The following TCF20 variants were observed in gnomAD, a reference collection of about 807,000 sequenced individuals.
TCF20 encodes transcription factor 20, also known as SPRE-binding protein.
Under a neutral mutation model 148.6 loss-of-function variants are expected in TCF20, and 3 were observed. The observed-to-expected ratio is 0.02, with a 90% CI of 0.01 to 0.05. The LOEUF is 0.05. Among genes scored for constraint, TCF20 ranks in the 10% least tolerant of loss-of-function variants. TCF20 has a pLI of 1.00. For synonymous variants in TCF20, 1,049 were observed against 909.5 expected (o/e 1.15, Z -2.76); for missense variants, 2,350 against 2,429.3 (o/e 0.97, Z 0.69).
chr22:42,249,753 T>C (rs1437687466), intron 1 of TCF20, among the ~76,000 whole-genome samples: 4 of 152,222 alleles, frequency 2.6e-5, no homozygotes, highest in Non-Finnish European at 5.9e-5. Context: ...AATTATTCAA[T>C]GGTGTATTAT....
rs760138943 is a variant in TCF20, at chr22:42,213,477, C to T, written c.1829G>A (p.Arg610Gln). 10 of 1,614,012 alleles carry T rather than the reference C, an allele frequency of 6.2e-6. No homozygotes were observed. Among genetic ancestry groups the T allele is most frequent in the African/African-American group, 2.7e-5 (2 of 74,890 alleles). Residue 610 changes from arginine (R) to glutamine (Q), a missense_variant, in exon 2 of 6, where the codon CGG (arginine) becomes CAG (glutamine). Around this residue, in one of 7 missense-constraint regions of TCF20, gnomAD observed 1,641 missense variants for 1,662.6 expected, o/e 0.99. Transcript: ENST00000677622. ...TTCTACCCGACCTGTCATGGCTTCC[C>T]GGGAGACAATCACCCCAACAGTCTT... Reference protein sequence around the residue: ...NEKTVGVIVSREAMTGRVEKP... With the variant: ...NEKTVGVIVSQEAMTGRVEKP...
chr22:42,219,229 G>A (rs544693528), intron 1 of TCF20, among the ~76,000 whole-genome samples: 1 of 151,168 alleles, frequency 6.6e-6, no homozygotes, highest in Admixed American at 6.6e-5. Context: ...GTGTCATGAG[G>A]TGTGCCTACA....
intron 1 of TCF20, among the ~76,000 whole-genome samples, chr22:42,245,692 A>G (rs2147328944): frequency 6.6e-6 from 1 of 152,308 alleles, no homozygotes; most frequent in South Asian, 2.1e-4. Flanking sequence ...AATTTTGCTA[A>G]GATCACTAGC....
chr22:42,311,847 T>A (rs1927542871), intron 1 of TCF20, among the ~76,000 whole-genome samples: 1 of 152,168 alleles, frequency 6.6e-6, no homozygotes, highest in African/African-American at 2.4e-5. Flanking sequence ...CCCTGCATAG[T>A]CAAGACAGCC....
intron 1 of TCF20, among the ~76,000 whole-genome samples, chr22:42,324,069 T>G (rs1339796331): frequency 3.0e-4 from 10 of 32,986 alleles, no homozygotes; most frequent in East Asian, 9.4e-4. Context: ...TGATGGAGGT[T>G]ATGGTGGTGG....
intron 1 of TCF20, among the ~76,000 whole-genome samples, chr22:42,237,298 A>G (rs558459036): frequency 3.4e-4 from 52 of 152,308 alleles, no homozygotes; most frequent in Admixed American, 4.6e-4. Flanking sequence ...TCAATAAATC[A>G]CTTTCTTTGC....
intron 2 of TCF20, among the ~76,000 whole-genome samples, chr22:42,200,577 G>A (rs1235997286): frequency 6.7e-6 from 1 of 149,746 alleles, no homozygotes; most frequent in African/African-American, 2.4e-5. Flanking sequence ...GGGGGGTGGA[G>A]GTTGCAGTGA....
chr22:42,261,980 G>C (rs1926052713), intron 1 of TCF20, among the ~76,000 whole-genome samples: 1 of 152,262 alleles, frequency 6.6e-6, no homozygotes, highest in Non-Finnish European at 1.5e-5. Context: ...GACAGAGCAA[G>C]ACTCCATCTC....
chr22:42,193,746 TTA>T (rs1208978988), intron 2 of TCF20, among the ~76,000 whole-genome samples: 3 of 152,136 alleles, frequency 2.0e-5, no homozygotes. Context: ...CTAAGTGATG[TTA>T]TAGTTTCCCA....
intron 1 of TCF20, among the ~76,000 whole-genome samples, chr22:42,260,643 C>T (rs150565191): frequency 1.3e-5 from 2 of 152,190 alleles, no homozygotes; most frequent in Non-Finnish European, 2.9e-5. Context: ...CATCACCATG[C>T]CTGGTTAATT....
intron 1 of TCF20, among the ~76,000 whole-genome samples, chr22:42,240,958 C>T (rs939979612): frequency 1.9e-4 from 29 of 152,038 alleles, no homozygotes; most frequent in African/African-American, 5.8e-4. Context: ...CGGGTTCATA[C>T]GACTCTCCTG....
At chr22:42,235,440 G>A (rs1490609882) in intron 1 of TCF20, among the ~76,000 whole-genome samples, 1 of 152,124 alleles carries the variant, frequency 6.6e-6, no homozygotes, top group East Asian at 1.9e-4. Context: ...GTGACAGAAA[G>A]AACATTGAGT....
At chr22:42,252,282 CA>C (rs892854304) in intron 1 of TCF20, among the ~76,000 whole-genome samples, 67 of 127,766 alleles carry the variant, frequency 5.2e-4, no homozygotes, top group Admixed American at 7.2e-4. Context: ...AAGTCCATCT[CA>C]AAAAAAAAAA....
chr22:42,270,695 G>C (rs1280447421), upstream of TCF20, among the ~76,000 whole-genome samples: 2 of 141,568 alleles, frequency 1.4e-5, no homozygotes, highest in Non-Finnish European at 3.1e-5. Flanking sequence ...GGAGGCTCCG[G>C]GCCGCGGCGC....
chr22:42,306,173 C>G (rs4822106), intron 1 of TCF20, among the ~76,000 whole-genome samples: 1 of 151,788 alleles, frequency 6.6e-6, no homozygotes, highest in African/African-American at 2.4e-5. Flanking sequence ...GAGACGGAGC[C>G]GCTGTGCGCG....
At chr22:42,252,197 G>C (rs1227488543) in intron 1 of TCF20, among the ~76,000 whole-genome samples, 2 of 150,658 alleles carry the variant, frequency 1.3e-5, no homozygotes, top group Non-Finnish European at 3.0e-5. Context: ...TCAGGCAGGA[G>C]AATCACTTGA....
chr22:42,174,609 T>C (rs1320635676), intron 3 of TCF20, among the ~76,000 whole-genome samples: 2 of 152,132 alleles, frequency 1.3e-5, no homozygotes, highest in Non-Finnish European at 2.9e-5. Flanking sequence ...TCCTCATATA[T>C]AGCTGGGCAT....
Position 42,169,913 on chromosome 22 carries a change from G to T in TCF20, c.5750-17C>A, listed in dbSNP as rs1374956416. ...GCAAACAATCTGGAAGACAGAAGGG[G>T]ACAGTCAGATGGAGACTTCACAGCT... On this transcript the variant is annotated splice_polypyrimidine_tract_variant and intron_variant, in intron 3 of 5. Transcript: ENST00000677622. 2 of 1,613,172 alleles carry T rather than the reference G, an allele frequency of 1.2e-6. No homozygotes were observed. The highest frequency in any genetic ancestry group is 8.5e-7 in the Non-Finnish European group (1 of 1,179,898).
At chr22:42,306,737 T>G (rs941929185) in intron 1 of TCF20, among the ~76,000 whole-genome samples, 3 of 152,070 alleles carry the variant, frequency 2.0e-5, no homozygotes, top group Non-Finnish European at 2.9e-5. Context: ...GGGCAACACT[T>G]GTTGAAGTCT....
Sources: gnomAD v4.1 joint callset for allele counts (sites outside exome capture counted in the v4.1 genomes callset) on GRCh38, gnomAD v4.1.1 for gene constraint, gnomAD v4.1.1 regional missense constraint, MANE v1.5 for transcripts, NCBI Gene and HGNC (gene_info 2026-07-23, HGNC 2026-07-21) for gene names.